The following STK31 variants were observed in gnomAD, a reference collection of about 807,000 sequenced individuals.
The protein encoded by STK31 is serine/threonine-protein kinase 31.
A neutral mutation model predicts 129.7 loss-of-function variants in STK31; 89 were observed. That is an observed-to-expected ratio of 0.69 (90% CI 0.58 to 0.82). The LOEUF (loss-of-function observed/expected upper bound fraction) is 0.82. STK31 is among the 40% of genes least tolerant of loss of function. STK31 has a pLI of 0.00. For missense variants in STK31, 1,187 were observed against 1,176.4 expected (o/e 1.01, Z -0.13); for synonymous variants, 448 against 395.3 (o/e 1.13, Z -1.58).
intron 11 of STK31, among the ~76,000 whole-genome samples, chr7:23,764,435 T>C (rs1226763780): frequency 6.6e-6 from 1 of 152,218 alleles, no homozygotes; most frequent in Non-Finnish European, 1.5e-5. Context: ...AAATAGTTTA[T>C]ATTTTTCAAG....
At chr7:23,742,169 G>A (rs1490223743) in intron 8 of STK31, among the ~76,000 whole-genome samples, 2 of 152,224 alleles carry the variant, frequency 1.3e-5, no homozygotes, top group Non-Finnish European at 2.9e-5. Flanking sequence ...GCCAAGGGCA[G>A]GACTCAGCCC....
intron 4 of STK31, among the ~76,000 whole-genome samples, chr7:23,720,859 A>G (rs2128065785): frequency 1.3e-5 from 2 of 152,340 alleles, no homozygotes; most frequent in Admixed American, 1.3e-4. Flanking sequence ...AGTGACTGCA[A>G]CAAAAGTAAG....
At position 23,789,381 on chromosome 7, in the gene STK31, A is replaced by G. The variant is rs58972909; in HGVS notation, c.2637+1252A>G. Reference sequence around the variant, plus strand: ...TTTTCCAAAGTGGCTACATCATTTTATATTCTTCCCAGTAATGTATAGGGA... The same window carrying G: ...TTTTCCAAAGTGGCTACATCATTTTGTATTCTTCCCAGTAATGTATAGGGA... On this transcript the variant is annotated intron_variant, in intron 21 of 23. Transcript: ENST00000355870. Among the ~76,000 whole-genome samples, 814 of 152,128 alleles carry G rather than the reference A, an allele frequency of 5.4e-3. 5 individuals are homozygous for G. The highest frequency in any genetic ancestry group is 0.019 in the African/African-American group (772 of 41,508).
chr7:23,726,086 C>T (rs1787047662), intron 4 of STK31: 2 of 152,184 alleles, frequency 1.3e-5, no homozygotes, highest in African/African-American at 4.8e-5. Context: ...CCAATCACCT[C>T]CTACCAGGCC....
At chr7:23,771,287 A>AT in intron 14 of STK31, 163 bp downstream of exon 14, 1 of 572,758 alleles carries the variant, frequency 1.7e-6, no homozygotes, top group East Asian at 3.7e-5. Flanking sequence ...AATATATCAA[A>AT]TTTTTTATTG....
intron 6 of STK31, among the ~76,000 whole-genome samples, chr7:23,730,022 T>C (rs1787307772): frequency 6.6e-6 from 1 of 152,172 alleles, no homozygotes. Flanking sequence ...GATGTTTTGC[T>C]TATGTGGATT....
chr7:23,826,295 A>G (rs7456290), intron 23 of STK31, among the ~76,000 whole-genome samples: 18,816 of 152,068 alleles, frequency 0.12, 1,759 homozygotes, highest in African/African-American at 0.26. Flanking sequence ...TATTGGGTGC[A>G]TATATATTTA....
Position 23,735,708 on chromosome 7 carries a change from T to C in STK31, c.654T>C (p.Thr218=). ...AGAAATGCAGACTTGCTTCCAGAAC[T>C]GACATCTGTGAGGAAAAAAAATTGG... ...FAEKCRLASR[T]DICEEKKLDP... Residue 218 remains threonine (T), a synonymous_variant, in exon 7 of 24, where the codon ACT becomes ACC. Transcript: ENST00000355870. The C allele has an allele frequency of 6.2e-7, 1 of 1,614,050 alleles. No homozygotes were observed. Among genetic ancestry groups the C allele is most frequent in the South Asian group, 1.1e-5 (1 of 91,086 alleles).
intron 17 of STK31, 21 bp from the exon 18 acceptor site, chr7:23,785,457 G>A (rs372093920): frequency 3.1e-6 from 5 of 1,608,974 alleles, no homozygotes; most frequent in Admixed American, 3.3e-5. Flanking sequence ...TTCTTTAACT[G>A]TGATAAAAAC....
At chr7:23,816,962 G>C (rs1793504051) in intron 23 of STK31, among the ~76,000 whole-genome samples, 1 of 152,152 alleles carries the variant, frequency 6.6e-6, no homozygotes, top group Non-Finnish European at 1.5e-5. Flanking sequence ...GAGGTGGGCA[G>C]ATCAACTGAG....
At chr7:23,822,698 A>C (rs1793858528) in intron 23 of STK31, among the ~76,000 whole-genome samples, 2 of 152,160 alleles carry the variant, frequency 1.3e-5, no homozygotes, top group Non-Finnish European at 2.9e-5. Flanking sequence ...GGTGTGCTGC[A>C]CCCATTAACT....
At chr7:23,797,011 G>T (rs10226714) in intron 22 of STK31, among the ~76,000 whole-genome samples, 1 of 151,442 alleles carries the variant, frequency 6.6e-6, no homozygotes, top group African/African-American at 2.4e-5. Context: ...TCAAGAAAGT[G>T]TAAGAAGGGC....
At chr7:23,784,343 T>A (rs1346371097) in intron 17 of STK31, among the ~76,000 whole-genome samples, 2 of 152,042 alleles carry the variant, frequency 1.3e-5, no homozygotes, top group Admixed American at 6.6e-5. Context: ...GACATGTGAG[T>A]TTATTCTAAA....
At chr7:23,742,602 G>C (rs956262256) in intron 8 of STK31, among the ~76,000 whole-genome samples, 2 of 152,198 alleles carry the variant, frequency 1.3e-5, no homozygotes, top group Non-Finnish European at 2.9e-5. Context: ...TTGTTTCAGA[G>C]CTCTGGGGAT....
intron 3 of STK31, among the ~76,000 whole-genome samples, chr7:23,714,142 G>T (rs1160574764): frequency 6.6e-6 from 1 of 152,112 alleles, no homozygotes; most frequent in Non-Finnish European, 1.5e-5. Flanking sequence ...ACTATGTGGG[G>T]CATGGCTGCA....
chr7:23,710,560 T>C, intron 1 of STK31: 1 of 1,401,786 alleles, frequency 7.1e-7, no homozygotes, highest in East Asian at 2.7e-5. Flanking sequence ...ATGATCTCCA[T>C]GAAGACGCGG....
rs143706831 is a variant in STK31 at position 23,786,855 on chromosome 7, T to A, written c.2418T>A (p.Tyr806Ter). 23 of 1,613,666 alleles carry A rather than the reference T, an allele frequency of 1.4e-5. No homozygotes were observed. Among genetic ancestry groups the A allele is most frequent in the Non-Finnish European group, 2.5e-6 (3 of 1,179,880 alleles). Residue 806 changes from tyrosine to a stop codon, truncating the protein, a stop_gained, in exon 20 of 24, where the codon TAT (tyrosine) becomes TAA (stop). Coordinates refer to ENST00000355870, the MANE Select transcript of STK31 (RefSeq NM_031414.5). LOFTEE classifies it high-confidence loss of function. ...LFLCKSDPMA[Y>*]LMVPYYPRAN... The stretch of plus-strand genomic sequence containing the variant: ...CTTCTTAGTCTGATCCTATGGCTTA[T>A]CTGATGGTCCCATACTACCCTAGGG...
intron 22 of STK31, among the ~76,000 whole-genome samples, chr7:23,801,471 A>G (rs1792363580): frequency 6.6e-6 from 1 of 151,674 alleles, no homozygotes; most frequent in Non-Finnish European, 1.5e-5. Flanking sequence ...ATTTGCAATG[A>G]TTTTTTTCTG....
Position 23,830,764 on chromosome 7 carries a change from T to C in STK31, c.2830-1372T>C, listed in dbSNP as rs537303386. Among the ~76,000 whole-genome samples, 9 of 152,060 alleles carry C rather than the reference T, an allele frequency of 5.9e-5. No homozygotes were observed. The South Asian group carries it at 1.9e-3, about 32-fold the overall frequency. On this transcript the variant is annotated intron_variant, in intron 23 of 23. Coordinates refer to ENST00000355870, the MANE Select transcript of STK31 (RefSeq NM_031414.5). Reference sequence around the variant, plus strand: ...CCTCTTGAGTAGCTGAGATTATAGGTGTCTGCCACCACACTCATCTAATGT... The same window carrying C: ...CCTCTTGAGTAGCTGAGATTATAGGCGTCTGCCACCACACTCATCTAATGT...
Sources: gnomAD v4.1 joint callset for allele counts (sites outside exome capture counted in the v4.1 genomes callset) on GRCh38, gnomAD v4.1.1 for gene constraint, MANE v1.5 for transcripts, NCBI Gene and HGNC (gene_info 2026-07-23, HGNC 2026-07-21) for gene names.